The following GRM7 variants were observed in gnomAD, a reference collection of about 807,000 sequenced individuals.
The protein encoded by GRM7 is metabotropic glutamate receptor 7.
A neutral mutation model predicts 84.5 loss-of-function variants in GRM7; 35 were observed. The ratio of observed to expected loss-of-function variants is 0.41; its 90% confidence interval spans 0.32 to 0.55. The LOEUF (loss-of-function observed/expected upper bound fraction) is 0.55, where lower values mean the gene tolerates loss of function less well. GRM7 is among the 20% of genes least tolerant of loss of function. The pLI is 0.19. For missense variants in GRM7, 1,003 were observed against 1,194.6 expected, an observed-to-expected ratio of 0.84 and a Z score of 2.36; for synonymous variants, 487 against 455.1, an observed-to-expected ratio of 1.07 and a Z score of -0.89.
chr3:7,096,544 T>A (rs1182052022), intron 1 of GRM7, among the ~76,000 whole-genome samples: 1 of 152,104 alleles, frequency 6.6e-6, no homozygotes, highest in Non-Finnish European at 1.5e-5. Context: ...AGTGCATCAA[T>A]GTGTTCACCA....
intron 5 of GRM7, among the ~76,000 whole-genome samples, chr3:7,438,623 C>G (rs1403492026): frequency 6.6e-6 from 1 of 152,030 alleles, no homozygotes; most frequent in Non-Finnish European, 1.5e-5. Context: ...CCTGGGAGAA[C>G]AAATGTAAGG....
At chr3:7,042,424 G>A (rs560963082) in intron 1 of GRM7, among the ~76,000 whole-genome samples, 10 of 152,216 alleles carry the variant, frequency 6.6e-5, no homozygotes, top group Non-Finnish European at 8.8e-5. Context: ...TTATTCCTAC[G>A]TCATCAGACC....
At chr3:7,087,825 T>C (rs1698514508) in intron 1 of GRM7, among the ~76,000 whole-genome samples, 1 of 152,214 alleles carries the variant, frequency 6.6e-6, no homozygotes, top group Admixed American at 6.5e-5. Flanking sequence ...TAGTGAGAAT[T>C]AAGTCATTAT....
chr3:7,695,131 C>G (rs1700968905), intron 9 of GRM7, among the ~76,000 whole-genome samples: 1 of 152,172 alleles, frequency 6.6e-6, no homozygotes, highest in Non-Finnish European at 1.5e-5. Flanking sequence ...CAAGAAGTCA[C>G]CCCTCTGTAG....
chr3:7,625,815 G>C (rs902278110), intron 8 of GRM7, among the ~76,000 whole-genome samples: 1 of 152,162 alleles, frequency 6.6e-6, no homozygotes, highest in Non-Finnish European at 1.5e-5. Context: ...GCAGTTCAAA[G>C]GTAGGACTTC....
chr3:7,542,695 A>G (rs1246728322), intron 7 of GRM7, among the ~76,000 whole-genome samples: 2 of 151,690 alleles, frequency 1.3e-5, no homozygotes, highest in African/African-American at 4.8e-5. Context: ...CTACAGGCAC[A>G]TGCCACCACG....
intron 1 of GRM7, among the ~76,000 whole-genome samples, chr3:7,099,374 A>G (rs1027811749): frequency 1.3e-5 from 2 of 148,174 alleles, no homozygotes; most frequent in East Asian, 2.0e-4. Flanking sequence ...ATACATATAT[A>G]CATATATAAT....
chr3:6,932,723 TA>T (rs1222507417), intron 1 of GRM7, among the ~76,000 whole-genome samples: 1 of 151,548 alleles, frequency 6.6e-6, no homozygotes, highest in Non-Finnish European at 1.5e-5. Context: ...TTGTTTTGTT[TA>T]TTTTTTTAAT....
chr3:6,895,349 A>T (rs1696137152), intron 1 of GRM7, among the ~76,000 whole-genome samples: 1 of 152,192 alleles, frequency 6.6e-6, no homozygotes, highest in African/African-American at 2.4e-5. Context: ...TTAAGATTCT[A>T]GCTCTTTGAA....
chr3:7,139,965 A>T lies in GRM7; in HGVS notation c.520-6487A>T, dbSNP rs532717267. On this transcript the variant is annotated intron_variant, in intron 1 of 9. Coordinates refer to ENST00000357716, the MANE Select transcript of GRM7 (RefSeq NM_000844.4). ...TATACAAAGAATTCACACAAATCAA[A>T]ATCAGGAAAACAACTCAATTAAAAA... Among the ~76,000 whole-genome samples the T allele has an allele frequency of 2.6e-5, 4 of 152,134 alleles. No homozygotes were observed. The South Asian group carries it at 6.2e-4, about 24-fold the overall frequency.
At chr3:7,394,937 C>T (rs1302958509) in intron 4 of GRM7, among the ~76,000 whole-genome samples, 1 of 151,494 alleles carries the variant, frequency 6.6e-6, no homozygotes, top group Non-Finnish European at 1.5e-5. Flanking sequence ...ACTCAGGAGG[C>T]TGAGGCAGGA....
chr3:7,456,172 G>T (rs1251657734), intron 6 of GRM7, among the ~76,000 whole-genome samples: 1 of 151,082 alleles, frequency 6.6e-6, no homozygotes, highest in Non-Finnish European at 1.5e-5. Context: ...TTTTATTCTG[G>T]TTCATGGATA....
chr3:7,103,798 CTTTCTTTCTTTCTTTCTT>C lies in GRM7; in HGVS notation c.520-42652_520-42635del, dbSNP rs1261428024. Among the ~76,000 whole-genome samples, 1,095 of 111,552 alleles carry C rather than the reference CTTTCTTTCTTTCTTTCTT, an allele frequency of 9.8e-3. 26 individuals are homozygous for C. The highest frequency in any genetic ancestry group is 0.02 in the African/African-American group (415 of 20,516). 73.2% of individuals were successfully genotyped at this position (111,552 alleles called of 152,430 possible). A position where few individuals can be genotyped will look rare whatever the true frequency, so the allele number is the denominator to read the frequency against. ...TCTTTCTTTCTTTCTTTCTTTCTTT[CTTTCTTTCTTTCTTTCTT>C]TCTCTCTCTCTCTGTCTCTCTCTCC... is the stretch of plus-strand genomic sequence containing the variant. On this transcript the variant is annotated intron_variant, in intron 1 of 9. Transcript: ENST00000357716.
chr3:6,919,175 TAAA>T (rs896110627), intron 1 of GRM7, among the ~76,000 whole-genome samples: 2 of 152,078 alleles, frequency 1.3e-5, no homozygotes, highest in Non-Finnish European at 2.9e-5. Context: ...AAGGAAATCT[TAAA>T]ATAAATGTAT....
intron 2 of GRM7, among the ~76,000 whole-genome samples, chr3:7,201,163 G>A (rs947259061): frequency 7.2e-5 from 11 of 151,798 alleles, no homozygotes; most frequent in Non-Finnish European, 8.8e-5. Flanking sequence ...TAGAGACAGC[G>A]TTTCACCATG....
chr3:7,387,843 G>T (rs1055437675), intron 4 of GRM7, among the ~76,000 whole-genome samples: 1 of 152,000 alleles, frequency 6.6e-6, no homozygotes, highest in African/African-American at 2.4e-5. Flanking sequence ...TTGATAAATT[G>T]GTAGGAACTA....
chr3:7,222,617 A>G (rs1273013127), intron 2 of GRM7, among the ~76,000 whole-genome samples: 1 of 152,198 alleles, frequency 6.6e-6, no homozygotes, highest in Non-Finnish European at 1.5e-5. Context: ...CAGAGAAACT[A>G]GCTGAGCCTG....
intron 1 of GRM7, among the ~76,000 whole-genome samples, chr3:7,082,612 G>T (rs560056747): frequency 2.6e-5 from 4 of 152,068 alleles, no homozygotes; most frequent in Non-Finnish European, 4.4e-5. Flanking sequence ...AGCTATAGCT[G>T]CCATAGATAG....
chr3:7,156,511 CG>C (rs1694454768), intron 2 of GRM7, among the ~76,000 whole-genome samples: 1 of 152,128 alleles, frequency 6.6e-6, no homozygotes, highest in Non-Finnish European at 1.5e-5. Flanking sequence ...TCACTTTGAC[CG>C]GCTTTTGACT....
Sources: gnomAD v4.1 joint callset for allele counts (sites outside exome capture counted in the v4.1 genomes callset) on GRCh38, gnomAD v4.1.1 for gene constraint, MANE v1.5 for transcripts, NCBI Gene and HGNC (gene_info 2026-07-23, HGNC 2026-07-21) for gene names.